Variants in SEMA5B observed in about 807,000 individuals in gnomAD.
SEMA5B encodes semaphorin 5B.
A neutral mutation model predicts 135.0 loss-of-function variants in SEMA5B; 66 were observed. The ratio of observed to expected loss-of-function variants is 0.49; its 90% CI spans 0.40 to 0.60. The LOEUF is 0.60. Ranked by LOEUF, SEMA5B falls within the 20% of genes least tolerant of loss-of-function variation. SEMA5B has a pLI of 0.00. For synonymous variants in SEMA5B, 690 were observed against 639.5 expected (o/e 1.08, Z -1.19); for missense variants, 1,501 against 1,566.3 (o/e 0.96, Z 0.70).
intron 5 of SEMA5B, among the ~76,000 whole-genome samples, chr3:122,935,682 C>CTTTTTTTTT (rs1402707939): frequency 2.8e-5 from 2 of 70,736 alleles, no homozygotes; most frequent in African/African-American, 1.1e-4. Flanking sequence ...CTTTTTCTTT[C>CTTTTTTTTT]TTTCTTTTTT....
chr3:122,969,644 C>T (rs1025080811), intron 1 of SEMA5B, among the ~76,000 whole-genome samples: 1 of 152,226 alleles, frequency 6.6e-6, no homozygotes, highest in African/African-American at 2.4e-5. Flanking sequence ...TCCAGCCTTC[C>T]TGGCACCCAC....
rs1324395212 is a variant in SEMA5B, at chr3:122,927,817, C to T, written c.823G>A (p.Ala275Thr). 1 of 1,504,018 alleles carries T rather than the reference C, an allele frequency of 6.6e-7. No individual in the cohort carries two copies. Among genetic ancestry groups the T allele is most frequent in the South Asian group, 1.3e-5 (1 of 74,372 alleles). 93.2% of individuals were successfully genotyped at this position (1,504,018 alleles called of 1,614,324 possible). Reference sequence around the variant, plus strand: ...TTAAGCCACTTGGAGTTATATTGGGCAGTGCGAAGCGGTGGCCCACTGCCC... The same window carrying T: ...TTAAGCCACTTGGAGTTATATTGGGTAGTGCGAAGCGGTGGCCCACTGCCC... The part of the protein sequence containing the change: ...SLGSGPPLRT[A>T]QYNSKWLNEP... The change falls in exon 8 of 23, where the codon GCC becomes ACC. Residue 275 changes from alanine to threonine, a missense_variant. Ala to Thr is a moderately conservative substitution (Grantham distance 58). Transcript: ENST00000357599.
At chr3:122,986,550 G>A (rs1941701296) in intron 1 of SEMA5B, among the ~76,000 whole-genome samples, 2 of 152,142 alleles carry the variant, frequency 1.3e-5, no homozygotes, top group Non-Finnish European at 2.9e-5. Flanking sequence ...AGGCAAGAGA[G>A]GCAGGAGGGG....
At position 122,949,591 on chromosome 3, in the gene SEMA5B, C is replaced by T. The variant is rs374325692; in HGVS notation, c.125-882G>A. 3.3e-5 allele frequency among the ~76,000 whole-genome samples: 5 copies of T among 152,362 alleles called. No homozygotes were observed. The East Asian group carries it at 5.8e-4, about 18-fold the overall frequency. On this transcript the variant is annotated intron_variant, in intron 2 of 22. Transcript: ENST00000357599. ...CCTCCTTGCTTGGAGATCAGATCTC[C>T]TTTATAATACTAACAAATTAGCCAC... is the stretch of plus-strand genomic sequence containing the variant.
chr3:122,989,245 G>T (rs992216079), intron 1 of SEMA5B, among the ~76,000 whole-genome samples: 12 of 152,222 alleles, frequency 7.9e-5, no homozygotes, highest in Non-Finnish European at 2.9e-5. Flanking sequence ...TCAGATGGGA[G>T]GCTCAGAGCC....
intron 1 of SEMA5B, among the ~76,000 whole-genome samples, chr3:123,022,171 G>A (rs1300979039): frequency 6.6e-6 from 1 of 152,176 alleles, no homozygotes; most frequent in African/African-American, 2.4e-5. Context: ...AGGTGCTCAA[G>A]CAGAAAAGCC....
intron 11 of SEMA5B, 23 bp from the exon 12 acceptor site, chr3:122,922,145 C>T: frequency 6.5e-7 from 1 of 1,537,038 alleles, no homozygotes; most frequent in Non-Finnish European, 8.8e-7. Context: ...GGGAGCCAGA[C>T]CAAGGTGGCC....
chr3:122,912,015 C>T lies in SEMA5B; in HGVS notation c.2951G>A (p.Ser984Asn), dbSNP rs914904014. Reference sequence around the variant, plus strand: ...GAGCTCCTCACAGTGCCGGCTTCGGCTCTGGGCTCCGTCGTCAGTGCACTT... The same window carrying T: ...GAGCTCCTCACAGTGCCGGCTTCGGTTCTGGGCTCCGTCGTCAGTGCACTT... ...WSKCTDDGAQ[S>N]RSRHCEELLP... Residue 984 changes from serine to asparagine, a missense_variant, in exon 20 of 23, where the codon AGC becomes AAC. This residue lies in a region of SEMA5B where 927 missense variants were observed against 881.6 expected (regional missense o/e 1.05). Transcript: ENST00000357599. 6.2e-7 allele frequency: 1 copy of T among 1,613,712 alleles called. No individual in the cohort carries two copies. The highest frequency in any genetic ancestry group is 1.3e-5 in the African/African-American group (1 of 74,928).
chr3:122,923,591 C>T (rs1163900397), intron 10 of SEMA5B, 26 bp downstream of exon 10: 1 of 1,613,340 alleles, frequency 6.2e-7, no homozygotes, highest in East Asian at 2.2e-5. Flanking sequence ...TGTGTGAAGA[C>T]AGGGAAAGAG....
intron 1 of SEMA5B, among the ~76,000 whole-genome samples, chr3:123,003,776 G>A (rs1384427109): frequency 6.6e-6 from 1 of 152,166 alleles, no homozygotes; most frequent in East Asian, 1.9e-4. Context: ...GGAGATTGCA[G>A]TGAGCTGAGA....
At chr3:122,998,347 G>T (rs1942078551) in intron 1 of SEMA5B, among the ~76,000 whole-genome samples, 1 of 150,928 alleles carries the variant, frequency 6.6e-6, no homozygotes. Flanking sequence ...CGGGGCTTTG[G>T]GATCAAGAAC....
rs77150537 is a variant in SEMA5B at position 122,989,152 on chromosome 3, C to T, written c.-38-27851G>A. Among the ~76,000 whole-genome samples, 378 of 152,338 alleles carry T rather than the reference C, an allele frequency of 2.5e-3. 3 individuals are homozygous for T. Among genetic ancestry groups the T allele is most frequent in the African/African-American group, 8.3e-3 (347 of 41,566 alleles). ...CATATGTTCGGAGAGAGTCCACACCCCTGCTCTGGGAGACTGGTCTTGGAA... is the reference window on the plus strand; with the variant it reads ...CATATGTTCGGAGAGAGTCCACACCTCTGCTCTGGGAGACTGGTCTTGGAA... On this transcript the variant is annotated intron_variant, in intron 1 of 22. Coordinates refer to ENST00000357599, the MANE Select transcript of SEMA5B (RefSeq NM_001031702.4).
intron 2 of SEMA5B, among the ~76,000 whole-genome samples, chr3:122,953,043 T>C (rs9845348): frequency 1 from 152,191 of 152,330 alleles, 76,026 homozygotes; most frequent in Middle Eastern, 1. Context: ...CACATTGCCC[T>C]AAGTGAGTAT....
chr3:122,939,554 G>GGCGTCCCA, intron 4 of SEMA5B, 84 bp from the exon 5 acceptor site: 6 of 1,037,910 alleles, frequency 5.8e-6, no homozygotes, highest in Non-Finnish European at 9.1e-6. Context: ...TGGGCCTCCT[G>GGCGTCCCA]GGACGCCAGG....
At chr3:122,959,910 GAA>G (rs1940500067) in intron 2 of SEMA5B, among the ~76,000 whole-genome samples, 1 of 152,146 alleles carries the variant, frequency 6.6e-6, no homozygotes, top group African/African-American at 2.4e-5. Flanking sequence ...CAAGGAAAAA[GAA>G]AACAAAGGGG....
intron 8 of SEMA5B, 54 bp downstream of exon 8, chr3:122,927,736 C>G: frequency 7.8e-7 from 1 of 1,288,684 alleles, no homozygotes; most frequent in Non-Finnish European, 1.0e-6. Flanking sequence ...TCAGGGTGGG[C>G]TGGTGGGCTC....
intron 9 of SEMA5B, among the ~76,000 whole-genome samples, chr3:122,924,075 T>C (rs1205549707): frequency 6.6e-6 from 1 of 151,302 alleles, no homozygotes. Flanking sequence ...TATTTTACCC[T>C]ACAACTCAGT....
rs1942829421 is a variant in SEMA5B at position 123,027,510 on chromosome 3, C to T, written c.-85G>A. The T allele has an allele frequency of 6.6e-6, 1 of 152,128 alleles. No homozygotes were observed. The highest frequency in any genetic ancestry group is 2.1e-4 in the South Asian group (1 of 4,830). 9.4% of individuals were successfully genotyped at this position (152,128 alleles called of 1,614,324 possible). A position where few individuals can be genotyped will look rare whatever the true frequency, so the allele number is the denominator to read the frequency against. ...GCCCGGTTCCCCGCGGCTCCCGACTCCCGGGCGGCGCGGAGCGGCGGGAGC... is the reference window on the plus strand; with the variant it reads ...GCCCGGTTCCCCGCGGCTCCCGACTTCCGGGCGGCGCGGAGCGGCGGGAGC... On this transcript the variant is annotated 5_prime_UTR_variant, in exon 1 of 23. Transcript: ENST00000357599.
At chr3:122,912,378 G>A (rs1419801721) in intron 18 of SEMA5B, 36 bp from the exon 19 acceptor site, 1 of 1,515,256 alleles carries the variant, frequency 6.6e-7, no homozygotes, top group Non-Finnish European at 8.9e-7. Flanking sequence ...GGCTGTAGGG[G>A]CAGCCAGGGC....
Sources: gnomAD v4.1 joint callset for allele counts (sites outside exome capture counted in the v4.1 genomes callset) on GRCh38, gnomAD v4.1.1 for gene constraint, gnomAD v4.1.1 regional missense constraint, MANE v1.5 for transcripts, NCBI Gene and HGNC (gene_info 2026-07-23, HGNC 2026-07-21) for gene names.